Variants in BCAS3 observed in about 807,000 individuals in gnomAD.
BCAS3 encodes the protein BCAS4/BCAS3 fusion.
BCAS3 carries 53 observed loss-of-function variants against 116.1 expected under a neutral mutation model. The observed-to-expected ratio is 0.46, with a 90% CI of 0.37 to 0.57. BCAS3 has a LOEUF of 0.57. Among genes scored for constraint, BCAS3 ranks in the 20% least tolerant of loss-of-function variants. BCAS3 has a pLI of 0.00. For synonymous variants in BCAS3, 391 were observed against 408.2 expected (o/e 0.96, Z 0.51); for missense variants, 917 against 1,165.4 (o/e 0.79, Z 3.10).
In BCAS3 at chr17:61,244,646, G is replaced by A. The variant is rs564699540; in HGVS notation, c.2426-123681G>A. ...TGGGAGGCCAAAGCGGGCGGATCAC[G>A]AGGTCAGGAGATCGAGACCATCCTG... On this transcript the variant is annotated intron_variant, in intron 22 of 23. Coordinates refer to ENST00000407086, the MANE Select transcript of BCAS3 (RefSeq NM_017679.5). The surrounding 1 kb of genome is among the most constrained non-coding windows in gnomAD (Gnocchi z 4.9). Among the ~76,000 whole-genome samples, 3 of 152,232 alleles carry A rather than the reference G, an allele frequency of 2.0e-5. No homozygotes were observed. Among genetic ancestry groups the A allele is most frequent in the East Asian group, 1.9e-4 (1 of 5,174 alleles).
At chr17:60,924,316 C>A in intron 12 of BCAS3, 91 bp from the exon 13 acceptor site, 1 of 996,100 alleles carries the variant, frequency 1.0e-6, no homozygotes, top group Non-Finnish European at 1.6e-6. Context: ...GTTATTTGGT[C>A]AGTGGTTTGT....
intron 22 of BCAS3, among the ~76,000 whole-genome samples, chr17:61,195,619 C>T (rs1301465837): frequency 6.6e-6 from 1 of 151,814 alleles, no homozygotes; most frequent in Admixed American, 6.6e-5. Context: ...TCAAGTGATC[C>T]GCCCACCTTG....
At position 61,334,664 on chromosome 17, in the gene BCAS3, C is replaced by CAAAA. The variant is rs35400660; in HGVS notation, c.2426-33641_2426-33638dup. On this transcript the variant is annotated intron_variant, in intron 22 of 23. Coordinates refer to ENST00000407086, the MANE Select transcript of BCAS3 (RefSeq NM_017679.5). The stretch of plus-strand genomic sequence containing the variant: ...ATGCAACAACAGCAAAACTCCATCT[C>CAAAA]AAAAAAAAAAAAAAAAAAAAAAAAA... Among the ~76,000 whole-genome samples the CAAAA allele has an allele frequency of 4.2e-3, 212 of 50,752 alleles. 5 individuals carry two copies. The highest frequency in any genetic ancestry group is 0.011 in the African/African-American group (162 of 14,746). The allele number at this position is 50,752 out of a possible 152,430, so 33.3% of individuals were successfully genotyped here. A position where few individuals can be genotyped will look rare whatever the true frequency, so the allele number is the denominator to read the frequency against.
At chr17:60,874,551 T>C (rs371066611) in intron 8 of BCAS3, 111 bp from the exon 9 acceptor site, 2 of 652,028 alleles carry the variant, frequency 3.1e-6, no homozygotes. Flanking sequence ...TTTAAAATTG[T>C]ATTAGTAGGC....
chr17:61,242,831 A>C, intron 22 of BCAS3, among the ~76,000 whole-genome samples: 2 of 135,010 alleles, frequency 1.5e-5, no homozygotes, highest in East Asian at 4.6e-4. Flanking sequence ...AATTTCTTCC[A>C]AATGGAATTC....
At position 61,379,233 on chromosome 17, in the gene BCAS3, G is replaced by C; in HGVS notation, c.2593+10739G>C. ...CCACTGACCTTTCTGTGAGGCGTGAGATTCTGAACAAAGTTGAACGCGGTC... is the reference window on the plus strand; with the variant it reads ...CCACTGACCTTTCTGTGAGGCGTGACATTCTGAACAAAGTTGAACGCGGTC... On this transcript the variant is annotated intron_variant, in intron 23 of 23. Coordinates refer to ENST00000407086, the MANE Select transcript of BCAS3 (RefSeq NM_017679.5). This position sits in a 1 kb window ranked among gnomAD's most constrained non-coding sequence, Gnocchi z 5.5. 6.6e-6 allele frequency: 1 copy of C among 152,254 alleles called. No homozygotes were observed. The highest frequency in any genetic ancestry group is 6.5e-5 in the Admixed American group (1 of 15,282). 9.4% of individuals were successfully genotyped at this position (152,254 alleles called of 1,614,324 possible). A position where few individuals can be genotyped will look rare whatever the true frequency, so the allele number is the denominator to read the frequency against.
At chr17:61,045,582 G>T (rs555369782) in intron 19 of BCAS3, among the ~76,000 whole-genome samples, 1 of 149,870 alleles carries the variant, frequency 6.7e-6, no homozygotes, top group East Asian at 2.0e-4. Flanking sequence ...TTGGAAGGCC[G>T]AGGCGGGGGG....
chr17:60,810,797 T>C (rs940036847), intron 7 of BCAS3: 1 of 668,962 alleles, frequency 1.5e-6, no homozygotes, highest in Non-Finnish European at 2.8e-6. Context: ...GAGGAGCTGC[T>C]CTTCCTGAAG....
intron 22 of BCAS3, among the ~76,000 whole-genome samples, chr17:61,292,938 A>G (rs1297579358): frequency 2.6e-5 from 4 of 152,340 alleles, no homozygotes; most frequent in African/African-American, 7.2e-5. Context: ...CTCCAATTAA[A>G]TCATATAAAC....
At chr17:61,109,588 C>T (rs146532969) in intron 22 of BCAS3, among the ~76,000 whole-genome samples, 89 of 152,306 alleles carry the variant, frequency 5.8e-4, no homozygotes, top group African/African-American at 2.0e-3. Context: ...TCCCTTTTCA[C>T]TGCATCCATG....
rs1467339145 is a variant in BCAS3 at position 61,378,218 on chromosome 17, TCCCAGCATC to T, written c.2593+9733_2593+9741del. On this transcript the variant is annotated intron_variant, in intron 23 of 23. Transcript: ENST00000407086. The surrounding 1 kb of genome is among the most constrained non-coding windows in gnomAD (Gnocchi z 5.8). ...CCTCCACCTTCTTGCCAATATAGGA[TCCCAGCATC>T]CCCAGCATGCACCCTGTTACCTGGC... 2.0e-5 allele frequency: 3 copies of T among 152,202 alleles called. No homozygotes were observed. Among genetic ancestry groups the T allele is most frequent in the Admixed American group, 6.6e-5 (1 of 15,262 alleles). The allele number at this position is 152,202 out of a possible 1,614,324, so 9.4% of individuals were successfully genotyped here. A position where few individuals can be genotyped will look rare whatever the true frequency, so the allele number is the denominator to read the frequency against.
chr17:60,935,588 C>G (rs770203998), intron 13 of BCAS3, among the ~76,000 whole-genome samples: 13 of 152,068 alleles, frequency 8.5e-5, no homozygotes, highest in Non-Finnish European at 1.5e-4. Flanking sequence ...GGTAATCAAA[C>G]CTAATTTCCA....
intron 22 of BCAS3, among the ~76,000 whole-genome samples, chr17:61,107,742 T>G (rs1010431577): frequency 1.3e-5 from 2 of 152,236 alleles, no homozygotes; most frequent in African/African-American, 4.8e-5. Flanking sequence ...TCGCACAGTT[T>G]AGTTAACTAT....
intron 6 of BCAS3, among the ~76,000 whole-genome samples, chr17:60,777,892 C>T (rs2045457606): frequency 6.6e-6 from 1 of 152,128 alleles, no homozygotes; most frequent in Non-Finnish European, 1.5e-5. Flanking sequence ...TAGTTACTAC[C>T]TTTCAGTTTT....
rs2069318456 is a variant in BCAS3 at position 61,055,787 on chromosome 17, C to A, written c.2029+14895C>A. 2.0e-5 allele frequency among the ~76,000 whole-genome samples: 3 copies of A among 152,214 alleles called. No individual in the cohort carries two copies. The South Asian group carries it at 6.2e-4, about 32-fold the overall frequency. Reference sequence around the variant, plus strand: ...TGGAAAATAAATGTATTCCTTATCTCTTTTCTTTCTTATTATTCTAGTTTT... The same window carrying A: ...TGGAAAATAAATGTATTCCTTATCTATTTTCTTTCTTATTATTCTAGTTTT... On this transcript the variant is annotated intron_variant, in intron 19 of 23. Transcript: ENST00000407086.
rs1199492535 is a variant in BCAS3 at position 61,286,060 on chromosome 17, G to A, written c.2426-82267G>A. Among the ~76,000 whole-genome samples the A allele has an allele frequency of 2.6e-5, 4 of 152,178 alleles. No homozygotes were observed. Among genetic ancestry groups the A allele is most frequent in the Non-Finnish European group, 5.9e-5 (4 of 68,030 alleles). On this transcript the variant is annotated intron_variant, in intron 22 of 23. Transcript: ENST00000407086. The surrounding 1 kb of genome is among the most constrained non-coding windows in gnomAD (Gnocchi z 4.8). ...TCATGGACCAGAAACATTTCATAAAGGAAACAACTGGTGGGAAGTTTTTTC... is the reference window on the plus strand; with the variant it reads ...TCATGGACCAGAAACATTTCATAAAAGAAACAACTGGTGGGAAGTTTTTTC...
intron 22 of BCAS3, among the ~76,000 whole-genome samples, chr17:61,289,358 C>T (rs921045606): frequency 2.0e-5 from 3 of 152,278 alleles, no homozygotes; most frequent in Middle Eastern, 6.8e-3. Context: ...TTTTGCTCTT[C>T]GCTTGTAATT....
chr17:60,992,228 ACACT>A (rs1433498020), intron 15 of BCAS3, among the ~76,000 whole-genome samples: 1 of 149,712 alleles, frequency 6.7e-6, no homozygotes, highest in Non-Finnish European at 1.5e-5. Context: ...ACACACACAC[ACACT>A]CTGTAGGAAG....
At chr17:60,718,994 G>A (rs115043683) in intron 5 of BCAS3, among the ~76,000 whole-genome samples, 4,744 of 152,206 alleles carry the variant, frequency 0.031, 238 homozygotes, top group African/African-American at 0.1. Flanking sequence ...CCCAGGAAGC[G>A]GAGTTTGCAG....
Sources: allele counts gnomAD v4.1 joint callset (sites outside exome capture counted in the v4.1 genomes callset), GRCh38; gene constraint gnomAD v4.1.1; non-coding constraint Gnocchi (gnomAD v3.1); transcripts MANE v1.5; gene names NCBI Gene and HGNC (gene_info 2026-07-23, HGNC 2026-07-21).